The following COLGALT2 variants were observed in gnomAD, a reference collection of about 807,000 sequenced individuals.
COLGALT2 encodes the protein collagen beta(1-O)galactosyltransferase 2, also known as procollagen galactosyltransferase 2.
A neutral mutation model predicts 73.4 loss-of-function variants in COLGALT2; 49 were observed. That is an observed-to-expected ratio of 0.67 (90% CI 0.53 to 0.85). The LOEUF is 0.85. Among genes scored for constraint, COLGALT2 ranks in the 40% least tolerant of loss-of-function variants. COLGALT2 has a pLI of 0.00. For synonymous variants in COLGALT2, 295 were observed against 307.6 expected (o/e 0.96, Z 0.43); for missense variants, 722 against 790.2 (o/e 0.91, Z 1.03).
chr1:184,019,426 C>A (rs1420004265), intron 1 of COLGALT2, among the ~76,000 whole-genome samples: 1 of 152,108 alleles, frequency 6.6e-6, no homozygotes, highest in African/African-American at 2.4e-5. Context: ...GTAATGAGTA[C>A]CCTTTACCTA....
chr1:184,037,407 T>C lies in COLGALT2; in HGVS notation c.-50A>G. 1 of 1,305,554 alleles carries C rather than the reference T, an allele frequency of 7.7e-7. No homozygotes were observed. Among genetic ancestry groups the C allele is most frequent in the Non-Finnish European group, 9.7e-7 (1 of 1,031,070 alleles). 80.9% of individuals were successfully genotyped at this position (1,305,554 alleles called of 1,614,324 possible). On this transcript the variant is annotated 5_prime_UTR_variant, in exon 1 of 12. Transcript: ENST00000361927. ...GGAAGTCCTGGCGCGAGCGCCCGGC[T>C]GGGCTGCCTGAGGGCGGCGGCGGCT... is the stretch of plus-strand genomic sequence containing the variant.
chr1:183,963,662 A>G (rs2102807346), intron 6 of COLGALT2, among the ~76,000 whole-genome samples: 1 of 152,256 alleles, frequency 6.6e-6, no homozygotes, highest in East Asian at 1.9e-4. Context: ...TTTGGAAAGT[A>G]TTTACTTGTG....
At chr1:183,957,778 G>GTTT (rs367921171) in intron 6 of COLGALT2, among the ~76,000 whole-genome samples, 2,308 of 118,842 alleles carry the variant, frequency 0.019, 57 homozygotes, top group African/African-American at 0.061. Flanking sequence ...TTTTGTGGTG[G>GTTT]TTTTTTTTTT....
Position 184,037,343 on chromosome 1 carries a change from A to C in COLGALT2, c.15T>G (p.Pro5=). The change falls in exon 1 of 12, where the codon CCT becomes CCG. Residue 5 remains proline, a synonymous_variant. Transcript: ENST00000361927. MAAR[P]AATLAWSLLL... ...GTAGCGACCAGGCGAGGGTGGCAGCAGGGCGCGCAGCCATGTTCCGGGCCG... is the reference window on the plus strand; with the variant it reads ...GTAGCGACCAGGCGAGGGTGGCAGCCGGGCGCGCAGCCATGTTCCGGGCCG... The C allele has an allele frequency of 6.7e-7, 1 of 1,486,850 alleles. No individual in the cohort carries two copies. The highest frequency in any genetic ancestry group is 8.9e-7 in the Non-Finnish European group (1 of 1,117,952). The allele number at this position is 1,486,850 out of a possible 1,614,324, so 92.1% of individuals were successfully genotyped here. A position where few individuals can be genotyped will look rare whatever the true frequency, so the allele number is the denominator to read the frequency against.
At chr1:184,014,191 C>A (rs957879595) in intron 1 of COLGALT2, among the ~76,000 whole-genome samples, 7 of 152,046 alleles carry the variant, frequency 4.6e-5, no homozygotes, top group East Asian at 1.9e-4. Flanking sequence ...GGTTTTCCAA[C>A]GAAAAGAAAG....
Position 183,936,891 on chromosome 1 carries a change from G to T in COLGALT2, c.*1870C>A, listed in dbSNP as rs942090367. ...TGAGTCGGGAAGGAAGGCCGAGGCT[G>T]GCGTCTGGTGGAAGGCAAGCTGCCT... On this transcript the variant is annotated 3_prime_UTR_variant, in exon 12 of 12. Transcript: ENST00000361927. 69 of 1,231,764 alleles carry T rather than the reference G, an allele frequency of 5.6e-5. 1 individual carries two copies. The Middle Eastern group carries it at 9.4e-4, about 17-fold the overall frequency. 76.3% of individuals were successfully genotyped at this position (1,231,764 alleles called of 1,614,324 possible).
At chr1:183,967,336 G>A (rs4233115) in intron 5 of COLGALT2, among the ~76,000 whole-genome samples, 91,160 of 152,060 alleles carry the variant, frequency 0.6, 27,567 homozygotes, top group East Asian at 0.85. Context: ...CTAACACCGT[G>A]CCAGGAACAG....
chr1:183,941,100 G>T (rs1028340093), intron 10 of COLGALT2, among the ~76,000 whole-genome samples: 1 of 152,202 alleles, frequency 6.6e-6, no homozygotes, highest in Admixed American at 6.5e-5. Flanking sequence ...ATGGGATGGG[G>T]CTTCCAGCTG....
chr1:184,037,284 C>T lies in COLGALT2; in HGVS notation c.74G>A (p.Cys25Tyr). 7 of 1,548,996 alleles carry T rather than the reference C, an allele frequency of 4.5e-6. No homozygotes were observed. ...LLSSALLREGCRARFVAERDS... is the reference protein window; with the variant it reads ...LLSSALLREGYRARFVAERDS... The stretch of plus-strand genomic sequence containing the variant: ...CCGCTCGGCGACGAAGCGCGCTCGG[C>T]AGCCTTCGCGGAGCAGGGCTGAGGA... Residue 25 changes from cysteine to tyrosine, a missense_variant, in exon 1 of 12, where the codon TGC (cysteine) becomes TAC (tyrosine). By Grantham distance (194) the Cys-to-Tyr change is radical. Coordinates refer to ENST00000361927, the MANE Select transcript of COLGALT2 (RefSeq NM_015101.4).
intron 1 of COLGALT2, among the ~76,000 whole-genome samples, chr1:183,980,586 C>G (rs1310440965): frequency 6.6e-6 from 1 of 152,054 alleles, no homozygotes; most frequent in East Asian, 1.9e-4. Context: ...AAAACCCCAA[C>G]TAGGCTCATG....
At chr1:183,944,565 C>T (rs1447660922) in intron 9 of COLGALT2, among the ~76,000 whole-genome samples, 1 of 152,084 alleles carries the variant, frequency 6.6e-6, no homozygotes, top group Non-Finnish European at 1.5e-5. Context: ...TAGGAGAGTA[C>T]ACATACTGCA....
downstream of COLGALT2, among the ~76,000 whole-genome samples, chr1:183,931,815 G>T (rs1193000119): frequency 1.5e-5 from 2 of 129,408 alleles, no homozygotes; most frequent in Non-Finnish European, 3.3e-5. Flanking sequence ...AAAAAAAGAA[G>T]AAGAAGACTG....
intron 1 of COLGALT2, among the ~76,000 whole-genome samples, chr1:184,008,170 C>T (rs1672133465): frequency 6.6e-6 from 1 of 152,054 alleles, no homozygotes; most frequent in Admixed American, 6.6e-5. Flanking sequence ...ATACAGTATT[C>T]CAAATGGATA....
At chr1:184,021,143 G>A (rs768641646) in intron 1 of COLGALT2, among the ~76,000 whole-genome samples, 22 of 152,072 alleles carry the variant, frequency 1.4e-4, no homozygotes, top group Non-Finnish European at 2.8e-4. Flanking sequence ...AGAGGTTGGT[G>A]CTGTTACAGT....
chr1:184,013,908 T>C (rs1185294020), intron 1 of COLGALT2, among the ~76,000 whole-genome samples: 1 of 151,984 alleles, frequency 6.6e-6, no homozygotes, highest in Non-Finnish European at 1.5e-5. Context: ...ATATGGATGA[T>C]GGGGGAGAGG....
At chr1:183,957,957 G>T (rs1395815876) in intron 6 of COLGALT2, among the ~76,000 whole-genome samples, 1 of 152,012 alleles carries the variant, frequency 6.6e-6, no homozygotes. Context: ...TGTCAATACT[G>T]AGAGCAGGTA....
chr1:183,964,866 G>A (rs1052255579), intron 5 of COLGALT2, among the ~76,000 whole-genome samples: 6 of 152,116 alleles, frequency 3.9e-5, no homozygotes, highest in African/African-American at 7.2e-5. Context: ...GGATGAGTCC[G>A]CCATGTATCC....
intron 1 of COLGALT2, among the ~76,000 whole-genome samples, chr1:184,027,367 T>C (rs919209191): frequency 2.6e-5 from 4 of 152,230 alleles, no homozygotes; most frequent in Admixed American, 2.6e-4. Context: ...AAATCACTTA[T>C]GTACATGCTT....
chr1:184,013,315 A>T (rs1648872952), intron 1 of COLGALT2, among the ~76,000 whole-genome samples: 1 of 152,204 alleles, frequency 6.6e-6, no homozygotes, highest in Non-Finnish European at 1.5e-5. Flanking sequence ...ACTCCATCTC[A>T]AAACAAACAA....
Sources: allele counts gnomAD v4.1 joint callset (sites outside exome capture counted in the v4.1 genomes callset), GRCh38; gene constraint gnomAD v4.1.1; transcripts MANE v1.5; gene names NCBI Gene and HGNC (gene_info 2026-07-23, HGNC 2026-07-21).